The following SYN3 variants were observed in gnomAD, a reference collection of about 807,000 sequenced individuals.
SYN3 encodes the protein synapsin III.
SYN3 carries 35 observed loss-of-function variants against 65.8 expected under a neutral mutation model. The observed-to-expected ratio is 0.53, with a 90% CI of 0.41 to 0.70. The LOEUF is 0.70. SYN3 is among the 30% of genes least tolerant of loss of function. SYN3 has a pLI of 0.00. For synonymous variants in SYN3, 270 were observed against 292.9 expected, an observed-to-expected ratio of 0.92 and a Z score of 0.80; for missense variants, 680 against 749.0, an observed-to-expected ratio of 0.91 and a Z score of 1.08.
At chr22:32,703,608 G>T (rs974704404) in intron 6 of SYN3, among the ~76,000 whole-genome samples, 3 of 150,416 alleles carry the variant, frequency 2.0e-5, no homozygotes, top group African/African-American at 7.4e-5. Context: ...CTGCACTCCA[G>T]CCTGGGTGAC....
At chr22:32,550,934 C>G (rs1024936301) in intron 7 of SYN3, among the ~76,000 whole-genome samples, 1 of 152,150 alleles carries the variant, frequency 6.6e-6, no homozygotes, top group Non-Finnish European at 1.5e-5. Context: ...GATGGGATAA[C>G]TTGAGTATCA....
intron 12 of SYN3, among the ~76,000 whole-genome samples, chr22:32,524,793 A>G (rs1275120368): frequency 2.6e-5 from 4 of 151,932 alleles, no homozygotes; most frequent in Non-Finnish European, 5.9e-5. Context: ...GGTGGCTCAC[A>G]AGGTAAGGAG....
At chr22:32,941,646 G>A (rs956634651) in intron 3 of SYN3, among the ~76,000 whole-genome samples, 40 of 152,274 alleles carry the variant, frequency 2.6e-4, no homozygotes, top group Admixed American at 5.9e-4. Context: ...AAAGCAGGGC[G>A]AGGCATCGCC....
intron 6 of SYN3, among the ~76,000 whole-genome samples, chr22:32,773,569 G>A (rs913553033): frequency 1.3e-5 from 2 of 152,182 alleles, no homozygotes; most frequent in African/African-American, 4.8e-5. Flanking sequence ...TTTTCTGGAT[G>A]TAATTGTTGG....
In SYN3 at chr22:32,508,587, G is replaced by T. The variant is rs1242312172; in HGVS notation, c.*5105C>A. On this transcript the variant is annotated 3_prime_UTR_variant, in exon 14 of 14. Coordinates refer to ENST00000358763, the MANE Select transcript of SYN3 (RefSeq NM_003490.4). ...TCAGTTTGGAAGAGGTCTTTTTGAG[G>T]TTGAAAACCTGCCATTGATCTTCTT... Among the ~76,000 whole-genome samples the T allele has an allele frequency of 6.6e-6, 1 of 152,108 alleles. No homozygotes were observed. Among genetic ancestry groups the T allele is most frequent in the African/African-American group, 2.4e-5 (1 of 41,420 alleles).
At chr22:32,997,683 T>C (rs2052921606) in intron 2 of SYN3, among the ~76,000 whole-genome samples, 1 of 152,034 alleles carries the variant, frequency 6.6e-6, no homozygotes. Context: ...CAACAGCCAA[T>C]GTGATTTTCA....
At chr22:32,777,036 C>T (rs1469127152) in intron 6 of SYN3, among the ~76,000 whole-genome samples, 1 of 152,148 alleles carries the variant, frequency 6.6e-6, no homozygotes, top group African/African-American at 2.4e-5. Flanking sequence ...AGCCTGAATC[C>T]AGCCTTGTAC....
At chr22:32,737,422 C>G (rs892711837) in intron 6 of SYN3, among the ~76,000 whole-genome samples, 5 of 152,006 alleles carry the variant, frequency 3.3e-5, no homozygotes, top group Non-Finnish European at 7.4e-5. Context: ...CCCATTAACT[C>G]GTCATTTAAC....
In SYN3 at chr22:32,512,415, AGGTGCTTGGTG is replaced by A. The variant is rs1409728701; in HGVS notation, c.*1266_*1276del. 2 of 152,230 alleles carry A rather than the reference AGGTGCTTGGTG, an allele frequency of 1.3e-5. No individual in the cohort carries two copies. Among genetic ancestry groups the A allele is most frequent in the African/African-American group, 4.8e-5 (2 of 41,458 alleles). 9.4% of individuals were successfully genotyped at this position (152,230 alleles called of 1,614,324 possible). On this transcript the variant is annotated 3_prime_UTR_variant, in exon 14 of 14. Transcript: ENST00000358763. ...TGGCACCTACAATGTTTCCAGCACCAGGTGCTTGGTGATTTGGATCACCGCTGAACGCTGTC... is the reference window on the plus strand; with the variant it reads ...TGGCACCTACAATGTTTCCAGCACCAATTTGGATCACCGCTGAACGCTGTC...
chr22:32,758,412 G>C (rs1174930917), intron 6 of SYN3, among the ~76,000 whole-genome samples: 1 of 151,612 alleles, frequency 6.6e-6, no homozygotes, highest in African/African-American at 2.4e-5. Context: ...GAGTCACTGG[G>C]CTGGGGAAGA....
At chr22:32,781,070 T>A (rs527660917) in intron 6 of SYN3, among the ~76,000 whole-genome samples, 1 of 98,250 alleles carries the variant, frequency 1.0e-5, no homozygotes, top group Non-Finnish European at 2.0e-5. Flanking sequence ...CCTTCCTCCC[T>A]CCCTCCCTTC....
intron 1 of SYN3, chr22:33,057,917 C>G (rs889444775): frequency 6.6e-6 from 1 of 152,550 alleles, no homozygotes; most frequent in Non-Finnish European, 1.5e-5. Context: ...CGGCGCAGAG[C>G]AGAGGTCCGG....
chr22:32,519,320 T>A (rs1568997308), intron 12 of SYN3: 1 of 152,108 alleles, frequency 6.6e-6, no homozygotes, highest in Admixed American at 6.5e-5. Flanking sequence ...CTTTTTTTTT[T>A]TCTCACGGGT....
chr22:32,525,800 G>A (rs1238230314), intron 12 of SYN3, among the ~76,000 whole-genome samples: 3 of 152,156 alleles, frequency 2.0e-5, no homozygotes, highest in Non-Finnish European at 4.4e-5. Flanking sequence ...AGCAGCAGCA[G>A]GTTTTGCGAG....
At chr22:32,649,172 C>T (rs369150753) in intron 6 of SYN3, among the ~76,000 whole-genome samples, 3 of 152,130 alleles carry the variant, frequency 2.0e-5, no homozygotes, top group East Asian at 3.9e-4. Context: ...TGGTAGCAAA[C>T]GTGACACAAA....
intron 4 of SYN3, among the ~76,000 whole-genome samples, chr22:32,894,719 G>A (rs1037998014): frequency 1.3e-4 from 20 of 152,324 alleles, no homozygotes; most frequent in African/African-American, 3.8e-4. Context: ...GGGTATGACT[G>A]TAAGGGTGTT....
At chr22:32,924,889 CGATACCA>C (rs2050427641) in intron 4 of SYN3, among the ~76,000 whole-genome samples, 2 of 151,924 alleles carry the variant, frequency 1.3e-5, no homozygotes, top group Admixed American at 1.3e-4. Context: ...CTCAGGAGTT[CGATACCA>C]GCTTGGGCAA....
intron 3 of SYN3, among the ~76,000 whole-genome samples, chr22:32,980,207 TTAAGTCACC>T (rs1359129321): frequency 6.6e-6 from 1 of 152,158 alleles, no homozygotes; most frequent in Non-Finnish European, 1.5e-5. Context: ...CAGAGAGAGA[TTAAGTCACC>T]TACCCAAAAC....
At chr22:32,857,321 C>G in intron 6 of SYN3, 2 of 1,614,128 alleles carry the variant, frequency 1.2e-6, no homozygotes, top group Non-Finnish European at 1.7e-6. Flanking sequence ...TCTCTGTGGC[C>G]TTAAGCTGGA....
Sources: gnomAD v4.1 joint callset for allele counts (sites outside exome capture counted in the v4.1 genomes callset) on GRCh38, gnomAD v4.1.1 for gene constraint, MANE v1.5 for transcripts, NCBI Gene and HGNC (gene_info 2026-07-23, HGNC 2026-07-21) for gene names.